Variants in NDST4 observed in about 807,000 individuals in gnomAD.
NDST4 encodes N-deacetylase and N-sulfotransferase 4.
A neutral mutation model predicts 100.8 loss-of-function variants in NDST4; 63 were observed. The ratio of observed to expected loss-of-function variants is 0.62; its 90% confidence interval spans 0.51 to 0.77. The LOEUF (loss-of-function observed/expected upper bound fraction) is 0.77. Among genes scored for constraint, NDST4 ranks in the 30% least tolerant of loss-of-function variants. The pLI is 0.00. For missense variants in NDST4, 943 were observed against 1,018.4 expected, an observed-to-expected ratio of 0.93 and a Z score of 1.01; for synonymous variants, 377 against 361.8, an observed-to-expected ratio of 1.04 and a Z score of -0.48.
intron 6 of NDST4, among the ~76,000 whole-genome samples, chr4:114,914,944 A>T (rs939564641): frequency 1.3e-5 from 2 of 152,100 alleles, no homozygotes; most frequent in African/African-American, 4.8e-5. Context: ...GCATCTTTTA[A>T]TATCTGTTCC....
chr4:115,000,748 C>A (rs945463430), intron 2 of NDST4, among the ~76,000 whole-genome samples: 16 of 152,134 alleles, frequency 1.1e-4, no homozygotes, highest in Non-Finnish European at 5.9e-5. Context: ...TCATCCAAAT[C>A]TTTCCATTAT....
intron 2 of NDST4, among the ~76,000 whole-genome samples, chr4:115,015,844 C>T (rs2126262698): frequency 6.6e-6 from 1 of 152,128 alleles, no homozygotes; most frequent in South Asian, 2.1e-4. Flanking sequence ...ACCACTGATG[C>T]ACAGTCTGCC....
chr4:114,933,530 G>C lies in NDST4; in HGVS notation c.1536+1676C>G, dbSNP rs1235761014. 4.5e-5 allele frequency among the ~76,000 whole-genome samples: 6 copies of C among 134,506 alleles called. No individual in the cohort carries two copies. In the Admixed American group the frequency reaches 5.1e-4, roughly 11 times the overall value. 88.2% of individuals were successfully genotyped at this position (134,506 alleles called of 152,430 possible). A position where few individuals can be genotyped will look rare whatever the true frequency, so the allele number is the denominator to read the frequency against. On this transcript the variant is annotated intron_variant, in intron 6 of 13. Transcript: ENST00000264363. The stretch of plus-strand genomic sequence containing the variant: ...GATTGCATTAAGTCAAAAAGCTTTT[G>C]CACAGCAACGGACATAAATAACAGA...
At chr4:114,993,641 C>T (rs186927396) in intron 2 of NDST4, among the ~76,000 whole-genome samples, 218 of 151,924 alleles carry the variant, frequency 1.4e-3, no homozygotes, top group African/African-American at 5.0e-3. Flanking sequence ...TTTTAAAAAC[C>T]AAATGATGAA....
At chr4:114,952,634 T>C (rs545944545) in intron 4 of NDST4, among the ~76,000 whole-genome samples, 3 of 152,248 alleles carry the variant, frequency 2.0e-5, no homozygotes, top group African/African-American at 7.2e-5. Flanking sequence ...ATGCTATCCT[T>C]TATGTTGTAA....
intron 1 of NDST4, among the ~76,000 whole-genome samples, chr4:115,093,754 A>T (rs1384314993): frequency 6.6e-6 from 1 of 152,126 alleles, no homozygotes; most frequent in East Asian, 1.9e-4. Context: ...AAGAAACATA[A>T]TTAAAAACAA....
At chr4:114,965,896 T>C (rs1726369323) in intron 4 of NDST4, among the ~76,000 whole-genome samples, 1 of 152,010 alleles carries the variant, frequency 6.6e-6, no homozygotes, top group South Asian at 2.1e-4. Context: ...TTTTTATTAG[T>C]GCTTTCATGT....
At chr4:114,960,533 G>T (rs1726237961) in intron 4 of NDST4, among the ~76,000 whole-genome samples, 1 of 151,888 alleles carries the variant, frequency 6.6e-6, no homozygotes, top group Non-Finnish European at 1.5e-5. Context: ...TTGAACCCAG[G>T]AGGCAGAGGT....
At chr4:114,853,455 A>G (rs2092890685) in intron 7 of NDST4, among the ~76,000 whole-genome samples, 1 of 152,154 alleles carries the variant, frequency 6.6e-6, no homozygotes, top group Non-Finnish European at 1.5e-5. Flanking sequence ...GTCCAATATT[A>G]TGCCCATCTA....
intron 2 of NDST4, among the ~76,000 whole-genome samples, chr4:114,977,518 T>A (rs1004501363): frequency 6.6e-6 from 1 of 151,978 alleles, no homozygotes; most frequent in Admixed American, 6.6e-5. Flanking sequence ...TGAGAGGCAA[T>A]TGTCCAACTC....
chr4:114,918,279 T>C (rs1401014250), intron 6 of NDST4, among the ~76,000 whole-genome samples: 1 of 150,756 alleles, frequency 6.6e-6, no homozygotes, highest in Non-Finnish European at 1.5e-5. Context: ...CGATGCTGGG[T>C]GAAGGAGCAA....
intron 7 of NDST4, among the ~76,000 whole-genome samples, chr4:114,856,383 A>AT (rs888202240): frequency 2.6e-5 from 4 of 152,100 alleles, no homozygotes; most frequent in African/African-American, 4.8e-5. Context: ...TTCAGCTCTA[A>AT]TTTTTTTAAT....
intron 6 of NDST4, among the ~76,000 whole-genome samples, chr4:114,915,855 G>T (rs1725157383): frequency 6.6e-6 from 1 of 151,696 alleles, no homozygotes; most frequent in African/African-American, 2.4e-5. Flanking sequence ...GGGAAGGGAA[G>T]GAAGAGGGTA....
intron 2 of NDST4, among the ~76,000 whole-genome samples, chr4:115,032,275 A>T (rs1043764216): frequency 1.3e-5 from 2 of 152,136 alleles, no homozygotes; most frequent in Admixed American, 1.3e-4. Context: ...GAAAAACGGT[A>T]ATAGTCAGCA....
chr4:115,020,474 C>G (rs1253377188), intron 2 of NDST4, among the ~76,000 whole-genome samples: 1 of 152,148 alleles, frequency 6.6e-6, no homozygotes, highest in East Asian at 1.9e-4. Context: ...ATAGGAAAAA[C>G]CCTTTTAGAT....
At position 114,986,830 on chromosome 4, in the gene NDST4, A is replaced by ATTTTTTTT. The variant is rs1221108713; in HGVS notation, c.979-9557_979-9556insAAAAAAAA. Among the ~76,000 whole-genome samples the ATTTTTTTT allele has an allele frequency of 3.0e-4, 28 of 91,960 alleles. 1 individual carries two copies. Among genetic ancestry groups the ATTTTTTTT allele is most frequent in the African/African-American group, 6.4e-4 (15 of 23,324 alleles). 60.3% of individuals were successfully genotyped at this position (91,960 alleles called of 152,430 possible). A position where few individuals can be genotyped will look rare whatever the true frequency, so the allele number is the denominator to read the frequency against. On this transcript the variant is annotated intron_variant, in intron 2 of 13. Transcript: ENST00000264363. ...TATATATATATATATATATATATAT[A>ATTTTTTTT]TATTTTAATATACTATTCCTATAAG...
At chr4:115,013,346 CATAT>C (rs200801455) in intron 2 of NDST4, among the ~76,000 whole-genome samples, 23 of 65,360 alleles carry the variant, frequency 3.5e-4, no homozygotes, top group South Asian at 6.5e-4. Context: ...ATATAAATAC[CATAT>C]ATATATATAT....
At chr4:115,047,251 T>C (rs1458004994) in intron 2 of NDST4, among the ~76,000 whole-genome samples, 1 of 152,136 alleles carries the variant, frequency 6.6e-6, no homozygotes, top group Non-Finnish European at 1.5e-5. Flanking sequence ...GTTTTATGTG[T>C]CAAACATTGT....
chr4:115,035,251 A>G (rs967007939), intron 2 of NDST4, among the ~76,000 whole-genome samples: 1 of 152,178 alleles, frequency 6.6e-6, no homozygotes, highest in Admixed American at 6.6e-5. Flanking sequence ...AAGATTGGTT[A>G]TAACTTAAAC....
Sources: allele counts gnomAD v4.1 joint callset (sites outside exome capture counted in the v4.1 genomes callset), GRCh38; gene constraint gnomAD v4.1.1; transcripts MANE v1.5; gene names NCBI Gene and HGNC (gene_info 2026-07-23, HGNC 2026-07-21).